KIF6: variants seen among roughly 807,000 people sequenced by gnomAD.
The protein encoded by KIF6 is kinesin family member 6.
Under a neutral mutation model 112.7 loss-of-function variants are expected in KIF6, and 106 were observed. The ratio of observed to expected loss-of-function variants is 0.94; its 90% CI spans 0.80 to 1.11. The LOEUF is 1.11. KIF6 is among the 50% of genes least tolerant of loss of function. KIF6 has a pLI of 0.00. For synonymous variants in KIF6, 339 were observed against 339.9 expected (o/e 1.00, Z 0.03); for missense variants, 929 against 964.0 (o/e 0.96, Z 0.48).
chr6:39,554,158 G>T, intron 10 of KIF6: 2 of 157,774 alleles, frequency 1.3e-5, no homozygotes, highest in South Asian at 1.7e-4. Context: ...GCAAAAACCG[G>T]ACCAGCACAA....
intron 3 of KIF6, among the ~76,000 whole-genome samples, chr6:39,667,882 G>C (rs62403333): frequency 6.6e-6 from 1 of 152,146 alleles, no homozygotes; most frequent in African/African-American, 2.4e-5. Flanking sequence ...AATGGAGATA[G>C]AGCCTGGTGG....
intron 16 of KIF6, among the ~76,000 whole-genome samples, chr6:39,375,555 T>A (rs1241510662): frequency 2.0e-5 from 3 of 152,196 alleles, no homozygotes; most frequent in Admixed American, 2.0e-4. Flanking sequence ...TTCCTCTCTC[T>A]GCTTGAGCTG....
chr6:39,441,600 C>T (rs138187316), intron 13 of KIF6, among the ~76,000 whole-genome samples: 5 of 152,266 alleles, frequency 3.3e-5, no homozygotes, highest in African/African-American at 1.2e-4. Context: ...TGAGGGGTTG[C>T]TGCGCTGGTA....
chr6:39,677,312 T>C (rs1195489740), intron 3 of KIF6, among the ~76,000 whole-genome samples: 1 of 151,974 alleles, frequency 6.6e-6, no homozygotes, highest in African/African-American at 2.4e-5. Context: ...AAGGCATAAA[T>C]TGACAGAATT....
chr6:39,508,604 C>T (rs9471117), intron 13 of KIF6, among the ~76,000 whole-genome samples: 23,432 of 152,092 alleles, frequency 0.15, 2,145 homozygotes, highest in African/African-American at 0.25. Context: ...GAACCTTTCT[C>T]GCTGCTAGTG....
intron 3 of KIF6, among the ~76,000 whole-genome samples, chr6:39,660,937 G>T (rs1786105084): frequency 6.6e-6 from 1 of 152,096 alleles, no homozygotes; most frequent in Non-Finnish European, 1.5e-5. Context: ...AAATCACCTT[G>T]CAGTGCTTCA....
intron 3 of KIF6, among the ~76,000 whole-genome samples, chr6:39,679,662 C>A (rs1312401851): frequency 2.1e-5 from 3 of 139,648 alleles, no homozygotes; most frequent in African/African-American, 8.1e-5. Context: ...GCTGCCCAGG[C>A]TGGAGTGCAG....
intron 15 of KIF6, among the ~76,000 whole-genome samples, chr6:39,396,141 C>T (rs909231770): frequency 1.3e-5 from 2 of 152,164 alleles, no homozygotes; most frequent in African/African-American, 4.8e-5. Context: ...GAATTGTTCT[C>T]CATTTGAAGA....
intron 3 of KIF6, among the ~76,000 whole-genome samples, chr6:39,661,723 G>A (rs1786160516): frequency 6.6e-6 from 1 of 152,088 alleles, no homozygotes; most frequent in African/African-American, 2.4e-5. Flanking sequence ...GAGTACCCTG[G>A]GAGAACAAAA....
At chr6:39,688,486 A>C (rs149112103) in intron 3 of KIF6, among the ~76,000 whole-genome samples, 1 of 152,324 alleles carries the variant, frequency 6.6e-6, no homozygotes, top group Non-Finnish European at 1.5e-5. Flanking sequence ...GCACCGAGAT[A>C]GAAGTTCACA....
At chr6:39,414,779 C>T (rs1183902525) in intron 15 of KIF6, among the ~76,000 whole-genome samples, 2 of 152,000 alleles carry the variant, frequency 1.3e-5, no homozygotes, top group Non-Finnish European at 2.9e-5. Context: ...AAGACAATGT[C>T]AAAGTCAGGT....
intron 13 of KIF6, among the ~76,000 whole-genome samples, chr6:39,522,385 C>A (rs1023624619): frequency 6.6e-6 from 1 of 152,190 alleles, no homozygotes; most frequent in Admixed American, 6.5e-5. Flanking sequence ...CCAACCTGGG[C>A]TCCTGGTTCA....
intron 3 of KIF6, among the ~76,000 whole-genome samples, chr6:39,703,497 T>C (rs6925627): frequency 0.37 from 56,781 of 151,954 alleles, 10,848 homozygotes; most frequent in East Asian, 0.58. Flanking sequence ...GAAACTGCTC[T>C]TATATTGGCA....
At chr6:39,406,749 AAG>A (rs2150346965) in intron 15 of KIF6, among the ~76,000 whole-genome samples, 1 of 152,036 alleles carries the variant, frequency 6.6e-6, no homozygotes, top group South Asian at 2.1e-4. Context: ...TTTAACCTGC[AAG>A]TATTTGTTGT....
chr6:39,610,989 C>G (rs1379807851), intron 6 of KIF6, among the ~76,000 whole-genome samples: 1 of 152,152 alleles, frequency 6.6e-6, no homozygotes, highest in South Asian at 2.1e-4. Context: ...ATATTAAACA[C>G]TCATCAGTAA....
intron 15 of KIF6, among the ~76,000 whole-genome samples, chr6:39,419,183 A>G (rs1343084274): frequency 6.6e-6 from 1 of 151,898 alleles, no homozygotes; most frequent in Non-Finnish European, 1.5e-5. Context: ...GTGAAACCCC[A>G]TCTCTACTAA....
At chr6:39,566,936 G>GT (rs1402982307) in intron 10 of KIF6, among the ~76,000 whole-genome samples, 1 of 152,076 alleles carries the variant, frequency 6.6e-6, no homozygotes, top group African/African-American at 2.4e-5. Flanking sequence ...AGAAATTTTA[G>GT]TAAATACAGC....
At chr6:39,402,671 A>G (rs998684944) in intron 15 of KIF6, among the ~76,000 whole-genome samples, 7 of 152,172 alleles carry the variant, frequency 4.6e-5, no homozygotes, top group African/African-American at 1.7e-4. Context: ...CTGACTGAGA[A>G]GCCCCCACTG....
intron 15 of KIF6, among the ~76,000 whole-genome samples, chr6:39,394,317 G>A (rs1036408450): frequency 2.0e-5 from 3 of 152,220 alleles, no homozygotes; most frequent in Non-Finnish European, 4.4e-5. Flanking sequence ...ATAGGGAAAT[G>A]TGATGTTACT....
Sources: gnomAD v4.1 joint callset for allele counts (sites outside exome capture counted in the v4.1 genomes callset) on GRCh38, gnomAD v4.1.1 for gene constraint, MANE v1.5 for transcripts, NCBI Gene and HGNC (gene_info 2026-07-23, HGNC 2026-07-21) for gene names.